Variants in LIPI observed in about 807,000 individuals in gnomAD.
The protein encoded by LIPI is lipase member I.
LIPI carries 59 observed loss-of-function variants against 50.6 expected under a neutral mutation model. The ratio of observed to expected loss-of-function variants is 1.16; its 90% CI spans 0.94 to 1.45. The LOEUF (loss-of-function observed/expected upper bound fraction) is 1.45, where lower values mean the gene tolerates loss of function less well. LIPI is among the 40% of genes most tolerant of loss of function. The probability of loss-of-function intolerance (pLI) is 0.00; values close to 1 mark genes in which losing one functional copy is unlikely to be tolerated. For synonymous variants in LIPI, 203 were observed against 178.2 expected (o/e 1.14, Z -1.11); for missense variants, 586 against 536.3 (o/e 1.09, Z -0.92).
chr21:14,187,277 A>G (rs936075704), intron 2 of LIPI, among the ~76,000 whole-genome samples: 2 of 152,090 alleles, frequency 1.3e-5, no homozygotes, highest in Admixed American at 1.3e-4. Flanking sequence ...AGCTATTGTG[A>G]GACTTGTGGA....
At chr21:14,122,503 C>A (rs1394952920) in intron 9 of LIPI, among the ~76,000 whole-genome samples, 1 of 152,234 alleles carries the variant, frequency 6.6e-6, no homozygotes, top group Admixed American at 6.5e-5. Flanking sequence ...TGATGCCTGT[C>A]AGGCTGCACA....
Position 14,185,209 on chromosome 21 carries a change from G to A in LIPI, c.541+752C>T, listed in dbSNP as rs186816620. On this transcript the variant is annotated intron_variant, in intron 3 of 9. Transcript: ENST00000681601. ...AACTTTGTTATAGAAATATGAAGGG[G>A]GACCCAGAGTCCCTCAAATTGGATG... Among the ~76,000 whole-genome samples, 8 of 152,090 alleles carry A rather than the reference G, an allele frequency of 5.3e-5. No individual in the cohort carries two copies. The East Asian group carries it at 1.5e-3, about 29-fold the overall frequency.
chr21:14,110,105 A>G lies in LIPI; in HGVS notation c.1296-1025T>C, dbSNP rs200135642. ...TGAACACATTACATTGATAAAGTAT[A>G]AGATTGATCTAAAATAATAAAAAAG... On this transcript the variant is annotated intron_variant, in intron 9 of 9. Coordinates refer to ENST00000681601, the MANE Select transcript of LIPI (RefSeq NM_001302998.2). Among the ~76,000 whole-genome samples the G allele has an allele frequency of 7.9e-5, 3 of 37,834 alleles. 1 individual carries two copies. The Admixed American group carries it at 9.0e-4, about 11-fold the overall frequency. 24.8% of individuals were successfully genotyped at this position (37,834 alleles called of 152,430 possible). A position where few individuals can be genotyped will look rare whatever the true frequency, so the allele number is the denominator to read the frequency against.
chr21:14,150,719 T>C (rs910597185), intron 8 of LIPI, among the ~76,000 whole-genome samples: 1 of 152,156 alleles, frequency 6.6e-6, no homozygotes, highest in African/African-American at 2.4e-5. Context: ...TATGGAATAA[T>C]ATTAGTTATT....
intron 1 of LIPI, among the ~76,000 whole-genome samples, chr21:14,194,800 C>T (rs1273260519): frequency 6.6e-6 from 1 of 152,010 alleles, no homozygotes; most frequent in Non-Finnish European, 1.5e-5. Context: ...TTAAAAATGG[C>T]TAAAATAATA....
chr21:14,171,521 T>A (rs1317786097), intron 4 of LIPI, among the ~76,000 whole-genome samples: 1 of 150,024 alleles, frequency 6.7e-6, no homozygotes, highest in African/African-American at 2.4e-5. Context: ...AACAGAGATA[T>A]AGATCAATGG....
chr21:14,165,318 T>C lies in LIPI; in HGVS notation c.806A>G (p.Asn269Ser). 1 of 1,612,240 alleles carries C rather than the reference T, an allele frequency of 6.2e-7. No individual in the cohort carries two copies. Among genetic ancestry groups the C allele is most frequent in the Non-Finnish European group, 8.5e-7 (1 of 1,178,496 alleles). ...TGAACGACAAGGAAATGAAATAAAA[T>C]TGCAGTTTGTTTCTAAAGATGCCAT... ...LFMASLETNC[N>S]FISFPCRSYK... Residue 269 changes from asparagine to serine, a missense_variant, in exon 6 of 10, where the codon AAT becomes AGT. By Grantham distance (46) the Asn-to-Ser change is conservative (BLOSUM62 1). Transcript: ENST00000681601.
chr21:14,169,742 A>G (rs2123183211), intron 4 of LIPI, among the ~76,000 whole-genome samples: 1 of 152,352 alleles, frequency 6.6e-6, no homozygotes, highest in Admixed American at 6.5e-5. Context: ...GTAGCACTAA[A>G]TGCCCACAAG....
At chr21:14,188,989 A>G in intron 2 of LIPI, 45 bp downstream of exon 2, 1 of 1,434,894 alleles carries the variant, frequency 7.0e-7, no homozygotes, top group Non-Finnish European at 9.7e-7. Context: ...TAGCACGTAT[A>G]ATATATTGTA....
chr21:14,199,376 GA>G (rs1249412028), intron 1 of LIPI, among the ~76,000 whole-genome samples: 2 of 150,050 alleles, frequency 1.3e-5, no homozygotes, highest in East Asian at 3.9e-4. Flanking sequence ...AAAAGGAGGA[GA>G]GTCAAATAAA....
chr21:14,131,911 A>ACAAAATACATC (rs2017310028), intron 9 of LIPI, among the ~76,000 whole-genome samples: 1 of 152,200 alleles, frequency 6.6e-6, no homozygotes, highest in South Asian at 2.1e-4. Context: ...TGAAGGAAAT[A>ACAAAATACATC]CAAAATACAT....
At chr21:14,200,901 C>T (rs1391681707) in intron 1 of LIPI, among the ~76,000 whole-genome samples, 2 of 152,076 alleles carry the variant, frequency 1.3e-5, no homozygotes, top group African/African-American at 4.8e-5. Context: ...CAGCATGATC[C>T]TAGTACAAAA....
At position 14,181,720 on chromosome 21, in the gene LIPI, A is replaced by G. The variant is rs767327203; in HGVS notation, c.643+38T>C. 1.2e-5 allele frequency: 15 copies of G among 1,299,730 alleles called. No individual in the cohort carries two copies. The Admixed American group carries it at 2.4e-4, about 21-fold the overall frequency. 80.5% of individuals were successfully genotyped at this position (1,299,730 alleles called of 1,614,324 possible). ...GCCCAAGGTCTACATTTTCCTTTTC[A>G]TTTTCAAATAATTAGGTAATAAATC... On this transcript the variant is annotated intron_variant, in intron 4 of 9. Transcript: ENST00000681601.
chr21:14,152,630 G>A lies in LIPI; in HGVS notation c.1061C>T (p.Ser354Leu), dbSNP rs1261097758. The change falls in exon 8 of 10, where the codon TCG becomes TTG. Residue 354 changes from serine (S) to leucine (L), a missense_variant. Physicochemically the swap from Ser to Leu is moderately radical, Grantham distance 145. Coordinates refer to ENST00000681601, the MANE Select transcript of LIPI (RefSeq NM_001302998.2). ...CTGATTTAATAATTTAAATGAAAACGAGCCATCCATCATAGTTTTATCTGG... is the reference window on the plus strand; with the variant it reads ...CTGATTTAATAATTTAAATGAAAACAAGCCATCCATCATAGTTTTATCTGG... ...IVPDKTMMDGSFSFKLLNQLG... is the reference protein window; with the variant it reads ...IVPDKTMMDGLFSFKLLNQLG... The A allele has an allele frequency of 1.2e-5, 19 of 1,590,174 alleles. No individual in the cohort carries two copies. Among genetic ancestry groups the A allele is most frequent in the East Asian group, 2.2e-5 (1 of 44,494 alleles).
At chr21:14,109,839 A>T (rs2016332200) in intron 9 of LIPI, among the ~76,000 whole-genome samples, 1 of 150,546 alleles carries the variant, frequency 6.6e-6, no homozygotes, top group Non-Finnish European at 1.5e-5. Flanking sequence ...GAGAAAAATT[A>T]ATTTGCTGTC....
chr21:14,146,396 T>C (rs1390526197), intron 8 of LIPI, among the ~76,000 whole-genome samples: 1 of 152,222 alleles, frequency 6.6e-6, no homozygotes, highest in Non-Finnish European at 1.5e-5. Context: ...GATAGTGCCC[T>C]TCTTTCAACC....
At chr21:14,110,885 T>C (rs578062875) in intron 9 of LIPI, among the ~76,000 whole-genome samples, 6 of 149,378 alleles carry the variant, frequency 4.0e-5, no homozygotes, top group African/African-American at 1.5e-4. Flanking sequence ...TCTCTATATA[T>C]AGGTGATATA....
intron 4 of LIPI, among the ~76,000 whole-genome samples, chr21:14,175,512 T>G (rs914252369): frequency 2.6e-5 from 4 of 152,196 alleles, no homozygotes; most frequent in African/African-American, 9.6e-5. Flanking sequence ...CTTCACATTC[T>G]TAAAGTATTT....
Position 14,179,828 on chromosome 21 carries a change from A to G in LIPI, c.643+1930T>C, listed in dbSNP as rs536936191. 3.3e-5 allele frequency among the ~76,000 whole-genome samples: 5 copies of G among 152,316 alleles called. No individual in the cohort carries two copies. The South Asian group carries it at 1.0e-3, about 32-fold the overall frequency. On this transcript the variant is annotated intron_variant, in intron 4 of 9. Coordinates refer to ENST00000681601, the MANE Select transcript of LIPI (RefSeq NM_001302998.2). The stretch of plus-strand genomic sequence containing the variant: ...TGTAAAACATATGCGTTTGAACAAT[A>G]TGAAATCAGTGCACCTTGAAAAAGA...
Sources: gnomAD v4.1 joint callset for allele counts (sites outside exome capture counted in the v4.1 genomes callset) on GRCh38, gnomAD v4.1.1 for gene constraint, MANE v1.5 for transcripts, NCBI Gene and HGNC (gene_info 2026-07-23, HGNC 2026-07-21) for gene names.